The following TUBB4B variants were observed in gnomAD, a reference collection of about 807,000 sequenced individuals.
TUBB4B encodes the protein tubulin beta 4B class IVb.
Under a neutral mutation model 34.3 loss-of-function variants are expected in TUBB4B, and 7 were observed. The ratio of observed to expected loss-of-function variants is 0.20; its 90% CI spans 0.12 to 0.38. The LOEUF is 0.38. Ranked by LOEUF, TUBB4B falls within the 10% of genes least tolerant of loss-of-function variation. The probability of loss-of-function intolerance (pLI) is 1.00; values close to 1 mark genes in which losing one functional copy is unlikely to be tolerated. For synonymous variants in TUBB4B, 390 were observed against 250.2 expected (o/e 1.56, Z -5.27); for missense variants, 178 against 610.9 (o/e 0.29, Z 7.47).
rs1836775014 is a variant in TUBB4B at position 137,242,435 on chromosome 9, T to G, written c.278-61T>G. 3 of 1,566,840 alleles carry G rather than the reference T, an allele frequency of 1.9e-6. No individual in the cohort carries two copies. The African/African-American group carries it at 4.0e-5, about 21-fold the overall frequency. ...ACCATGTCACTCGGCTTTTTTCGCATGGCGGTGACCAGTAGTGCTGTCTAC... is the reference window on the plus strand; with the variant it reads ...ACCATGTCACTCGGCTTTTTTCGCAGGGCGGTGACCAGTAGTGCTGTCTAC... On this transcript the variant is annotated intron_variant, in intron 3 of 3. Coordinates refer to ENST00000340384, the MANE Select transcript of TUBB4B (RefSeq NM_006088.6).
chr9:137,242,233 G>C (rs1392822585), intron 3 of TUBB4B: 10 of 661,502 alleles, frequency 1.5e-5, no homozygotes, highest in African/African-American at 3.6e-5. Context: ...AGGGAGCTGA[G>C]CTGGGGCAGT....
Position 137,241,320 on chromosome 9 carries a change from T to A in TUBB4B, c.-41T>A. 1 of 1,586,316 alleles carries A rather than the reference T, an allele frequency of 6.3e-7. No homozygotes were observed. The highest frequency in any genetic ancestry group is 8.5e-7 in the Non-Finnish European group (1 of 1,172,624). On this transcript the variant is annotated 5_prime_UTR_variant, in exon 1 of 4. Transcript: ENST00000340384. ...GCGCGCCCGCTCTTCTGCTGCTGTTTGTCTACTTCCTCCTGCTTCCCCGCC... is the reference window on the plus strand; with the variant it reads ...GCGCGCCCGCTCTTCTGCTGCTGTTAGTCTACTTCCTCCTGCTTCCCCGCC...
In TUBB4B at chr9:137,242,176, C is replaced by T. The variant is rs190085069; in HGVS notation, c.277+155C>T. The stretch of plus-strand genomic sequence containing the variant: ...CTAAATCGGCTTTGGGAGCAAGGTC[C>T]AGCTGTCTGCCGAGGCGAGGAGCCG... On this transcript the variant is annotated intron_variant, in intron 3 of 3. Coordinates refer to ENST00000340384, the MANE Select transcript of TUBB4B (RefSeq NM_006088.6). The T allele has an allele frequency of 2.9e-4, 230 of 785,342 alleles. 1 individual carries two copies. In the East Asian group the frequency reaches 3.6e-3, roughly 12 times the overall value. 48.6% of individuals were successfully genotyped at this position (785,342 alleles called of 1,614,324 possible).
At chr9:137,242,324 T>G in intron 3 of TUBB4B, 172 bp from the exon 4 acceptor site, 1 of 823,940 alleles carries the variant, frequency 1.2e-6, no homozygotes, top group South Asian at 1.8e-5. Flanking sequence ...GCCCCTGACT[T>G]AATTCGTAGC....
At chr9:137,241,881 G>A (rs749081421) in intron 2 of TUBB4B, 30 bp from the exon 3 acceptor site, 53 of 1,611,196 alleles carry the variant, frequency 3.3e-5, no homozygotes, top group Non-Finnish European at 4.1e-5. Context: ...CGCGGCCCCT[G>A]CCTTGGCTGA....
intron 1 of TUBB4B, 60 bp from the exon 2 acceptor site, chr9:137,241,661 T>A: frequency 7.1e-7 from 1 of 1,400,780 alleles, no homozygotes; most frequent in Non-Finnish European, 9.5e-7. Context: ...GCTGCCTCCC[T>A]GCGCACCGGC....
At position 137,243,616 on chromosome 9, in the gene TUBB4B, T is replaced by C; in HGVS notation, c.*60T>C. On this transcript the variant is annotated 3_prime_UTR_variant, in exon 4 of 4. Transcript: ENST00000340384. ...GTGAACTCTTTATTCACTCCCAGCC[T>C]GTCCTGTGGCCTGTCCCACTGTGTG... 1.2e-6 allele frequency: 2 copies of C among 1,612,734 alleles called. No individual in the cohort carries two copies. The highest frequency in any genetic ancestry group is 1.7e-5 in the Admixed American group (1 of 59,990).
In TUBB4B at chr9:137,243,647, G is replaced by C. The variant is rs1449461903; in HGVS notation, c.*91G>C. On this transcript the variant is annotated 3_prime_UTR_variant, in exon 4 of 4. Transcript: ENST00000340384. Reference sequence around the variant, plus strand: ...GTGGCCTGTCCCACTGTGTGCACTTGCTGTTTTCCCTGTCCACATCCATGC... The same window carrying C: ...GTGGCCTGTCCCACTGTGTGCACTTCCTGTTTTCCCTGTCCACATCCATGC... The C allele has an allele frequency of 5.0e-6, 8 of 1,613,874 alleles. No individual in the cohort carries two copies. In the African/African-American group the frequency reaches 8.0e-5, roughly 16 times the overall value.
At chr9:137,241,500 C>G in intron 1 of TUBB4B, 83 bp downstream of exon 1, 1 of 1,152,658 alleles carries the variant, frequency 8.7e-7, no homozygotes, top group Non-Finnish European at 1.1e-6. Flanking sequence ...CAGCAGCGGC[C>G]GGGCGGCGCC....
Position 137,241,330 on chromosome 9 carries a change from C to G in TUBB4B, c.-31C>G, listed in dbSNP as rs369754071. 441 of 1,591,438 alleles carry G rather than the reference C, an allele frequency of 2.8e-4. 1 individual carries two copies. Among genetic ancestry groups the G allele is most frequent in the African/African-American group, 2.7e-3 (199 of 73,988 alleles). Reference sequence around the variant, plus strand: ...TCTTCTGCTGCTGTTTGTCTACTTCCTCCTGCTTCCCCGCCGCCGCCGCCG... The same window carrying G: ...TCTTCTGCTGCTGTTTGTCTACTTCGTCCTGCTTCCCCGCCGCCGCCGCCG... On this transcript the variant is annotated 5_prime_UTR_variant, in exon 1 of 4. Coordinates refer to ENST00000340384, the MANE Select transcript of TUBB4B (RefSeq NM_006088.6).
intron 1 of TUBB4B, 38 bp downstream of exon 1, chr9:137,241,455 G>T (rs762406013): frequency 1.2e-5 from 18 of 1,476,750 alleles, no homozygotes; most frequent in Non-Finnish European, 1.4e-5. Context: ...CGGGCCTGCC[G>T]GGCGGTGTGG....
In TUBB4B at chr9:137,242,034, T is replaced by G; in HGVS notation, c.277+13T>G. The G allele has an allele frequency of 6.2e-7, 1 of 1,609,314 alleles. No individual in the cohort carries two copies. The highest frequency in any genetic ancestry group is 8.5e-7 in the Non-Finnish European group (1 of 1,179,068). On this transcript the variant is annotated intron_variant, in intron 3 of 3. Transcript: ENST00000340384. The stretch of plus-strand genomic sequence containing the variant: ...AACTTCGTTTTCGGTGAGCCGTGGC[T>G]GGGGACTGGGCGGCGGCTCAAAGGT...
Position 137,241,534 on chromosome 9 carries a change from C to T in TUBB4B, c.57+117C>T, listed in dbSNP as rs898468887. ...CCCCCGCATTGCGGCCGCCGGGCCC[C>T]CTCCGCGGGGAATTGGCCGAGCCGG... On this transcript the variant is annotated intron_variant, in intron 1 of 3. Transcript: ENST00000340384. 27 of 990,994 alleles carry T rather than the reference C, an allele frequency of 2.7e-5. No homozygotes were observed. The Middle Eastern group carries it at 1.3e-3, about 48-fold the overall frequency. 61.4% of individuals were successfully genotyped at this position (990,994 alleles called of 1,614,324 possible).
chr9:137,241,707 C>T lies in TUBB4B; in HGVS notation c.58-14C>T. 2 of 1,607,254 alleles carry T rather than the reference C, an allele frequency of 1.2e-6. No individual in the cohort carries two copies. The highest frequency in any genetic ancestry group is 2.7e-5 in the African/African-American group (2 of 74,484). On this transcript the variant is annotated splice_polypyrimidine_tract_variant and intron_variant, in intron 1 of 3. Coordinates refer to ENST00000340384, the MANE Select transcript of TUBB4B (RefSeq NM_006088.6). ...CAGCCCCGGCCCGCCCGGGCCCGCCCGCGTCCCTTGTAGTTTTGGGAGGTG... is the reference window on the plus strand; with the variant it reads ...CAGCCCCGGCCCGCCCGGGCCCGCCTGCGTCCCTTGTAGTTTTGGGAGGTG...
Position 137,241,370 on chromosome 9 carries a change from A to G in TUBB4B, c.10A>G (p.Ile4Val). 6.2e-7 allele frequency: 1 copy of G among 1,603,226 alleles called. No homozygotes were observed. The highest frequency in any genetic ancestry group is 8.5e-7 in the Non-Finnish European group (1 of 1,177,406). Residue 4 changes from isoleucine (I) to valine (V), a missense_variant, in exon 1 of 4, where the codon ATC (isoleucine) becomes GTC (valine). Physicochemically the swap from Ile to Val is conservative, Grantham distance 29. Transcript: ENST00000340384. ...CGCCGCCGCCGCCATCATGAGGGAA[A>G]TCGTGCACTTGCAGGCCGGGCAGTG... MRE[I>V]VHLQAGQCGN...
At chr9:137,242,107 C>A in intron 3 of TUBB4B, 86 bp downstream of exon 3, 1 of 1,286,752 alleles carries the variant, frequency 7.8e-7, no homozygotes, top group Non-Finnish European at 1.1e-6. Context: ...GCAGCCGGGG[C>A]CCCTGGACGC....
rs1836806461 is a variant in TUBB4B, at chr9:137,243,614, C to T, written c.*58C>T. 6 of 1,612,686 alleles carry T rather than the reference C, an allele frequency of 3.7e-6. No individual in the cohort carries two copies. Among genetic ancestry groups the T allele is most frequent in the African/African-American group, 1.3e-5 (1 of 75,038 alleles). ...GTGTGAACTCTTTATTCACTCCCAG[C>T]CTGTCCTGTGGCCTGTCCCACTGTG... On this transcript the variant is annotated 3_prime_UTR_variant, in exon 4 of 4. Transcript: ENST00000340384.
rs887987749 is a variant in TUBB4B, at chr9:137,243,301, A to C, written c.1083A>C (p.Leu361=). 6.2e-7 allele frequency: 1 copy of C among 1,613,528 alleles called. No homozygotes were observed. Among genetic ancestry groups the C allele is most frequent in the African/African-American group, 1.3e-5 (1 of 74,944 alleles). Residue 361 remains leucine (L), a synonymous_variant, in exon 4 of 4, where the codon CTA becomes CTC. Coordinates refer to ENST00000340384, the MANE Select transcript of TUBB4B (RefSeq NM_006088.6). ...TAVCDIPPRG[L]KMSATFIGNS... ...TCTGTGACATCCCACCTCGGGGGCT[A>C]AAAATGTCCGCCACCTTCATTGGCA...
chr9:137,241,815 A>G lies in TUBB4B; in HGVS notation c.152A>G (p.Tyr51Cys), dbSNP rs1156792908. The G allele has an allele frequency of 1.9e-6, 3 of 1,612,278 alleles. No homozygotes were observed. The change falls in exon 2 of 4, where the codon TAC (tyrosine) becomes TGC (cysteine). Residue 51 changes from tyrosine (Y) to cysteine (C), a missense_variant. Coordinates refer to ENST00000340384, the MANE Select transcript of TUBB4B (RefSeq NM_006088.6). The stretch of plus-strand genomic sequence containing the variant: ...CAGCTGGAACGCATCAACGTGTACT[A>G]CAATGAGGCCACCGGTGAGGCCCCG... Reference protein sequence around the residue: ...DLQLERINVYYNEATGGKYVP... With the variant: ...DLQLERINVYCNEATGGKYVP...
Sources: gnomAD v4.1 joint callset for allele counts on GRCh38, gnomAD v4.1.1 for gene constraint, MANE v1.5 for transcripts, NCBI Gene and HGNC (gene_info 2026-07-23, HGNC 2026-07-21) for gene names.